Variants in SYT1 observed in about 807,000 individuals in gnomAD.
SYT1 encodes synaptotagmin 1.
A neutral mutation model predicts 44.8 loss-of-function variants in SYT1; 8 were observed. That is an observed-to-expected ratio of 0.18 (90% CI 0.10 to 0.32). SYT1 has a LOEUF of 0.32. SYT1 is among the 10% of genes least tolerant of loss of function. SYT1 has a pLI of 1.00. For synonymous variants in SYT1, 154 were observed against 188.8 expected, an observed-to-expected ratio of 0.82 and a Z score of 1.51; for missense variants, 286 against 509.3, an observed-to-expected ratio of 0.56 and a Z score of 4.22.
intron 1 of SYT1, among the ~76,000 whole-genome samples, chr12:78,903,465 T>C (rs1444686967): frequency 2.0e-5 from 3 of 151,870 alleles, no homozygotes; most frequent in African/African-American, 7.3e-5. Context: ...TTTTGTAATT[T>C]TAGTAGAGAT....
At chr12:79,135,724 T>C (rs1379812619) in intron 3 of SYT1, among the ~76,000 whole-genome samples, 1 of 152,156 alleles carries the variant, frequency 6.6e-6, no homozygotes, top group Non-Finnish European at 1.5e-5. Flanking sequence ...CATTGGAACA[T>C]CAGCTTATTC....
chr12:79,161,796 C>T (rs937152706), intron 3 of SYT1, among the ~76,000 whole-genome samples: 3 of 152,072 alleles, frequency 2.0e-5, no homozygotes, highest in Non-Finnish European at 2.9e-5. Flanking sequence ...TACACAAAGC[C>T]TATCCTCCTT....
intron 8 of SYT1, among the ~76,000 whole-genome samples, chr12:79,334,525 A>C (rs1215941710): frequency 2.6e-5 from 4 of 152,126 alleles, no homozygotes; most frequent in Admixed American, 2.6e-4. Flanking sequence ...GTAGGAAAAC[A>C]AGGGAAGGGA....
chr12:79,403,333 G>C (rs1885135401), intron 9 of SYT1, among the ~76,000 whole-genome samples: 1 of 152,114 alleles, frequency 6.6e-6, no homozygotes, highest in Non-Finnish European at 1.5e-5. Context: ...TTCAATTTTA[G>C]AGTTTGGCAA....
In SYT1 at chr12:79,236,685, C is replaced by T. The variant is rs576643599; in HGVS notation, c.166+19000C>T. Among the ~76,000 whole-genome samples the T allele has an allele frequency of 3.9e-5, 6 of 152,186 alleles. No homozygotes were observed. The South Asian group carries it at 1.2e-3, about 32-fold the overall frequency. The stretch of plus-strand genomic sequence containing the variant: ...ATAGTGCCAACTACATGTTATATGC[C>T]CTACAAGGAGAAAACAGTCAACAAA... On this transcript the variant is annotated intron_variant, in intron 4 of 10. Coordinates refer to ENST00000261205, the MANE Select transcript of SYT1 (RefSeq NM_005639.3).
chr12:78,942,919 T>C, intron 1 of SYT1, among the ~76,000 whole-genome samples: 1 of 152,308 alleles, frequency 6.6e-6, no homozygotes, highest in Non-Finnish European at 1.5e-5. Context: ...CATGCAAAGA[T>C]AACTGGTTAC....
chr12:79,025,247 AC>A (rs1872453573), intron 2 of SYT1, among the ~76,000 whole-genome samples: 1 of 151,776 alleles, frequency 6.6e-6, no homozygotes, highest in South Asian at 2.1e-4. Context: ...AATTATCTGA[AC>A]CATCATTAGT....
intron 1 of SYT1, among the ~76,000 whole-genome samples, chr12:78,911,757 T>C (rs1179601454): frequency 6.6e-6 from 1 of 151,950 alleles, no homozygotes; most frequent in Non-Finnish European, 1.5e-5. Context: ...TTGGTCATGA[T>C]GTTGGTGACA....
At chr12:78,934,873 T>C (rs1278227773) in intron 1 of SYT1, among the ~76,000 whole-genome samples, 2 of 152,154 alleles carry the variant, frequency 1.3e-5, no homozygotes, top group African/African-American at 4.8e-5. Flanking sequence ...AGATGAAATC[T>C]TGAATTTAGG....
chr12:78,911,981 G>A (rs1876360833), intron 1 of SYT1, among the ~76,000 whole-genome samples: 1 of 151,940 alleles, frequency 6.6e-6, no homozygotes, highest in Non-Finnish European at 1.5e-5. Flanking sequence ...AAGGCTCAAA[G>A]TCCAACATAA....
At position 78,969,401 on chromosome 12, in the gene SYT1, C is replaced by G. The variant is rs368427312; in HGVS notation, c.-216-8398C>G. Among the ~76,000 whole-genome samples the G allele has an allele frequency of 3.1e-4, 47 of 152,168 alleles. No homozygotes were observed. The South Asian group carries it at 7.9e-3, about 26-fold the overall frequency. On this transcript the variant is annotated intron_variant, in intron 1 of 10. Transcript: ENST00000261205. ...AGACCGCAATAAATAAAAGAATAAG[C>G]CAGGTTAACATCCAGAGGAGGTGGA... is the stretch of plus-strand genomic sequence containing the variant.
chr12:79,369,555 T>TTTTAAATAAAGATATG (rs1883696899), intron 9 of SYT1, among the ~76,000 whole-genome samples: 1 of 152,228 alleles, frequency 6.6e-6, no homozygotes, highest in African/African-American at 2.4e-5. Context: ...GCTGCTTTCT[T>TTTTAAATAAAGATATG]TTTAAATAAA....
intron 9 of SYT1, among the ~76,000 whole-genome samples, chr12:79,402,500 G>C (rs1247961627): frequency 6.6e-6 from 1 of 152,142 alleles, no homozygotes; most frequent in Admixed American, 6.5e-5. Flanking sequence ...TACCACTCTT[G>C]GATGGGCAGC....
intron 3 of SYT1, among the ~76,000 whole-genome samples, chr12:79,088,531 T>TTGAAAGACTTGC (rs1877542352): frequency 6.6e-6 from 1 of 151,996 alleles, no homozygotes; most frequent in South Asian, 2.1e-4. Context: ...AGAAACGAAG[T>TTGAAAGACTTGC]TGAAAGACTT....
intron 9 of SYT1, among the ~76,000 whole-genome samples, chr12:79,362,581 A>G (rs1029800735): frequency 6.6e-6 from 1 of 152,174 alleles, no homozygotes. Context: ...TTAGATGACT[A>G]TCTGCTGGAG....
intron 1 of SYT1, among the ~76,000 whole-genome samples, chr12:78,931,231 G>GAAAGA (rs1877659706): frequency 1.6e-5 from 1 of 63,040 alleles, no homozygotes; most frequent in South Asian, 6.8e-4. Flanking sequence ...AAGAAAGAAA[G>GAAAGA]AAAGAAAGAA....
chr12:79,269,108 G>C (rs1248629139), intron 4 of SYT1, among the ~76,000 whole-genome samples: 1 of 140,322 alleles, frequency 7.1e-6, no homozygotes, highest in African/African-American at 2.7e-5. Flanking sequence ...TTTTTTTATT[G>C]AATATCAATA....
intron 8 of SYT1, among the ~76,000 whole-genome samples, chr12:79,315,917 C>T (rs932179360): frequency 1.3e-5 from 2 of 152,236 alleles, no homozygotes; most frequent in Admixed American, 1.3e-4. Context: ...AAGTTTTAAA[C>T]ATGAGAACCA....
At chr12:79,089,997 T>C (rs1877658745) in intron 3 of SYT1, among the ~76,000 whole-genome samples, 3 of 152,024 alleles carry the variant, frequency 2.0e-5, no homozygotes, top group Admixed American at 2.0e-4. Flanking sequence ...AGGGTGAAAA[T>C]AATCTCTGTA....
Sources: gnomAD v4.1 joint callset for allele counts (sites outside exome capture counted in the v4.1 genomes callset) on GRCh38, gnomAD v4.1.1 for gene constraint, MANE v1.5 for transcripts, NCBI Gene and HGNC (gene_info 2026-07-23, HGNC 2026-07-21) for gene names.